Variants in SPIDR observed in about 807,000 individuals in gnomAD.
SPIDR encodes DNA repair-scaffolding protein.
SPIDR carries 93 observed loss-of-function variants against 104.6 expected under a neutral mutation model. The observed-to-expected ratio is 0.89, with a 90% CI of 0.75 to 1.06. The LOEUF is 1.06. Among genes scored for constraint, SPIDR ranks in the 50% least tolerant of loss-of-function variants. The probability of loss-of-function intolerance (pLI) is 0.00; values close to 1 mark genes in which losing one functional copy is unlikely to be tolerated. For synonymous variants in SPIDR, 431 were observed against 416.9 expected, an observed-to-expected ratio of 1.03 and a Z score of -0.41; for missense variants, 1,154 against 1,111.2, an observed-to-expected ratio of 1.04 and a Z score of -0.55.
intron 10 of SPIDR, among the ~76,000 whole-genome samples, chr8:47,604,011 G>C (rs2062636894): frequency 6.6e-6 from 1 of 152,142 alleles, no homozygotes; most frequent in Admixed American, 6.6e-5. Context: ...TCCTGGGCCT[G>C]CAGTGGTTAA....
chr8:47,420,975 G>T (rs994093773), intron 7 of SPIDR, among the ~76,000 whole-genome samples: 1 of 152,228 alleles, frequency 6.6e-6, no homozygotes, highest in Non-Finnish European at 1.5e-5. Context: ...CTGCAAAGAT[G>T]TCAGCTGTTA....
chr8:47,348,837 T>G (rs1322182203), intron 5 of SPIDR, among the ~76,000 whole-genome samples: 1 of 152,228 alleles, frequency 6.6e-6, no homozygotes, highest in Non-Finnish European at 1.5e-5. Flanking sequence ...TTTATCCTAG[T>G]TAGCCATTTG....
At chr8:47,294,160 T>G in intron 5 of SPIDR, 130 bp downstream of exon 5, 3 of 1,173,652 alleles carry the variant, frequency 2.6e-6, no homozygotes, top group Non-Finnish European at 3.5e-6. Flanking sequence ...TAGGGGATTC[T>G]TTTGTTCTTT....
At chr8:47,451,547 C>G (rs1219374409) in intron 8 of SPIDR, among the ~76,000 whole-genome samples, 3 of 151,572 alleles carry the variant, frequency 2.0e-5, no homozygotes, top group Non-Finnish European at 4.4e-5. Flanking sequence ...CACCACTGCA[C>G]TCCAGCCTAG....
At chr8:47,673,215 G>T (rs1038714701) in intron 10 of SPIDR, among the ~76,000 whole-genome samples, 1 of 152,198 alleles carries the variant, frequency 6.6e-6, no homozygotes, top group Non-Finnish European at 1.5e-5. Flanking sequence ...TAAAAGCTGG[G>T]GGGAATCCCA....
chr8:47,478,282 G>A (rs2076507958), intron 8 of SPIDR, among the ~76,000 whole-genome samples: 2 of 152,170 alleles, frequency 1.3e-5, no homozygotes, highest in Admixed American at 1.3e-4. Context: ...GCGGGGTGGT[G>A]ACAGCGTGGT....
intron 1 of SPIDR, among the ~76,000 whole-genome samples, chr8:47,272,897 C>G (rs2154215712): frequency 6.6e-6 from 1 of 152,314 alleles, no homozygotes; most frequent in African/African-American, 2.4e-5. Flanking sequence ...TAACTTACCA[C>G]AGTCTACATA....
intron 5 of SPIDR, among the ~76,000 whole-genome samples, chr8:47,384,689 C>T (rs2059687749): frequency 6.6e-6 from 1 of 152,152 alleles, no homozygotes; most frequent in Non-Finnish European, 1.5e-5. Flanking sequence ...AGATGCGGGG[C>T]TTCCCTCACA....
At chr8:47,539,824 T>C (rs2087753535) in intron 8 of SPIDR, among the ~76,000 whole-genome samples, 1 of 152,138 alleles carries the variant, frequency 6.6e-6, no homozygotes. Context: ...CCTGCAGCCT[T>C]GTTAGGACTG....
Position 47,410,336 on chromosome 8 carries a change from A to T in SPIDR, c.877+2375A>T, listed in dbSNP as rs571874772. On this transcript the variant is annotated intron_variant, in intron 7 of 19. Transcript: ENST00000297423. Reference sequence around the variant, plus strand: ...GCTGGGACTATAGGTGCCTGCCATCACGCCTGGCTAATTTTTGTATTTTTA... The same window carrying T: ...GCTGGGACTATAGGTGCCTGCCATCTCGCCTGGCTAATTTTTGTATTTTTA... 4.0e-5 allele frequency among the ~76,000 whole-genome samples: 6 copies of T among 151,884 alleles called. No homozygotes were observed. In the South Asian group the frequency reaches 1.2e-3, roughly 32 times the overall value.
intron 10 of SPIDR, among the ~76,000 whole-genome samples, chr8:47,642,309 G>A (rs575745052): frequency 8.1e-4 from 123 of 152,118 alleles, no homozygotes; most frequent in South Asian, 5.2e-3. Context: ...CCAGCTACTC[G>A]GGAGGCTGAG....
At chr8:47,713,458 C>T (rs747737387) in intron 15 of SPIDR, 31 bp from the exon 16 acceptor site, 2 of 1,612,702 alleles carry the variant, frequency 1.2e-6, no homozygotes, top group Non-Finnish European at 1.7e-6. Flanking sequence ...TTCTTCAAGG[C>T]TTCAATAACC....
At chr8:47,718,322 A>G (rs1418050289) in intron 16 of SPIDR, among the ~76,000 whole-genome samples, 1 of 152,224 alleles carries the variant, frequency 6.6e-6, no homozygotes, top group South Asian at 2.1e-4. Context: ...TAAACAGGGG[A>G]GGAAACATGC....
chr8:47,536,618 A>G (rs770151904), intron 8 of SPIDR, among the ~76,000 whole-genome samples: 23 of 152,192 alleles, frequency 1.5e-4, no homozygotes, highest in Non-Finnish European at 2.8e-4. Context: ...GTAACTCAAA[A>G]TAGATCATAG....
At chr8:47,609,028 A>G (rs932291510) in intron 10 of SPIDR, among the ~76,000 whole-genome samples, 1 of 152,174 alleles carries the variant, frequency 6.6e-6, no homozygotes, top group African/African-American at 2.4e-5. Context: ...CACCCGGCTG[A>G]GCATCTTTTC....
chr8:47,393,008 T>C (rs2060788256), intron 5 of SPIDR, among the ~76,000 whole-genome samples: 1 of 152,166 alleles, frequency 6.6e-6, no homozygotes, highest in Admixed American at 6.5e-5. Context: ...CTTCTCTTCT[T>C]CCTTTCACAT....
intron 5 of SPIDR, among the ~76,000 whole-genome samples, chr8:47,298,268 G>A (rs1290234775): frequency 2.6e-5 from 4 of 152,308 alleles, no homozygotes; most frequent in South Asian, 2.1e-4. Context: ...TTTGAGAAGT[G>A]TCTGTTCATA....
At chr8:47,362,480 T>G (rs2056227530) in intron 5 of SPIDR, among the ~76,000 whole-genome samples, 1 of 152,188 alleles carries the variant, frequency 6.6e-6, no homozygotes, top group Non-Finnish European at 1.5e-5. Flanking sequence ...TGACCACACA[T>G]CACTACACAT....
At chr8:47,511,072 G>T in intron 8 of SPIDR, 3 of 1,094,798 alleles carry the variant, frequency 2.7e-6, no homozygotes, top group Non-Finnish European at 4.2e-6. Flanking sequence ...GAGCAGGTTG[G>T]CTTCCTTCAG....
Sources: allele counts gnomAD v4.1 joint callset (sites outside exome capture counted in the v4.1 genomes callset), GRCh38; gene constraint gnomAD v4.1.1; transcripts MANE v1.5; gene names NCBI Gene and HGNC (gene_info 2026-07-23, HGNC 2026-07-21).